The following ADGRG4 variants were observed in gnomAD, a reference collection of about 807,000 sequenced individuals.
ADGRG4 encodes adhesion G protein-coupled receptor G4.
Under a neutral mutation model 126.2 loss-of-function variants are expected in ADGRG4, and 122 were observed. The observed-to-expected ratio is 0.97, with a 90% CI of 0.83 to 1.12. The LOEUF (loss-of-function observed/expected upper bound fraction) is 1.12. Ranked by LOEUF, ADGRG4 falls within the 50% of genes most tolerant of loss-of-function variation. The probability of loss-of-function intolerance (pLI) is 0.00; values close to 1 mark genes in which losing one functional copy is unlikely to be tolerated. For synonymous variants in ADGRG4, 943 were observed against 838.7 expected (o/e 1.12, Z -2.15); for missense variants, 2,481 against 2,251.8 (o/e 1.10, Z -2.06).
chrX:136,379,782 G>A (rs1210344578), intron 15 of ADGRG4, among the ~76,000 whole-genome samples: 2 of 110,467 alleles, frequency 1.8e-5, no homozygotes, highest in Non-Finnish European at 1.9e-5. Context: ...GTCCCCATTC[G>A]TCCCTTTCCT....
At chrX:136,325,538 T>A (rs2074866519) in intron 5 of ADGRG4, among the ~76,000 whole-genome samples, 1 of 111,471 alleles carries the variant, frequency 9.0e-6, no homozygotes, top group South Asian at 3.8e-4. Context: ...TTATCTTTGA[T>A]CTAAGGAACC....
At chrX:136,326,600 A>G (rs997701417) in intron 5 of ADGRG4, among the ~76,000 whole-genome samples, 7 of 111,254 alleles carry the variant, frequency 6.3e-5, no homozygotes, top group African/African-American at 2.3e-4. Context: ...TGGTTTGATA[A>G]TTCACCTGGG....
At chrX:136,353,961 C>A (rs753177835) in intron 8 of ADGRG4, among the ~76,000 whole-genome samples, 2 of 111,412 alleles carry the variant, frequency 1.8e-5, no homozygotes, top group East Asian at 5.7e-4. Context: ...TTCCTGTATT[C>A]TTTCGCTGCA....
chrX:136,347,600 T>C lies in ADGRG4; in HGVS notation c.3894T>C (p.Asp1298=), dbSNP rs373239233. ...SRGTPSLEMT[D]TGFPETTKIS... ...GTACTCCATCTTTGGAAATGACAGA[T>C]ACAGGATTTCCTGAGACCACAAAAA... Residue 1298 remains aspartate, a synonymous_variant, in exon 6 of 26, where the codon GAT becomes GAC. Coordinates refer to ENST00000394143, the MANE Select transcript of ADGRG4 (RefSeq NM_153834.4). 54 of 1,207,368 alleles carry C rather than the reference T, an allele frequency of 4.5e-5. No homozygotes were observed. Among genetic ancestry groups the C allele is most frequent in the Non-Finnish European group, 5.7e-5 (51 of 893,456 alleles).
At position 136,349,711 on chromosome X, in the gene ADGRG4, CAA is replaced by C. The variant is rs753124856; in HGVS notation, c.6007_6008del (p.Lys2003ValfsTer10). 54 of 1,208,497 alleles carry C rather than the reference CAA, an allele frequency of 4.5e-5. No homozygotes were observed. Among genetic ancestry groups the C allele is most frequent in the Non-Finnish European group, 5.1e-5 (46 of 894,458 alleles). ...GGTGCCACTTCAGGATCTGTAATTT[CAA>C]AGTCACCCATTCTGACATGGCTCTT... On this transcript the variant is annotated frameshift_variant, in exon 6 of 26. Transcript: ENST00000394143. LOFTEE classifies it high-confidence loss of function.
chrX:136,371,032 A>C (rs1441602344), intron 13 of ADGRG4, among the ~76,000 whole-genome samples: 2 of 111,792 alleles, frequency 1.8e-5, no homozygotes, highest in Non-Finnish European at 3.8e-5. Context: ...CAAAAGTCTC[A>C]ATTTAATTAG....
intron 3 of ADGRG4, among the ~76,000 whole-genome samples, chrX:136,308,035 G>C (rs1202875799): frequency 8.8e-6 from 1 of 113,026 alleles, no homozygotes; most frequent in African/African-American, 3.2e-5. Flanking sequence ...AAGAAATTTA[G>C]GATCATTATA....
intron 13 of ADGRG4, among the ~76,000 whole-genome samples, chrX:136,364,385 C>T (rs1408713249): frequency 9.0e-6 from 1 of 111,668 alleles, no homozygotes; most frequent in African/African-American, 3.3e-5. Context: ...GCATACTATA[C>T]ACACTATTCT....
chrX:136,397,946 A>T lies in ADGRG4; in HGVS notation c.8250A>T (p.Gly2750=). 3 of 1,198,251 alleles carry T rather than the reference A, an allele frequency of 2.5e-6. No homozygotes were observed. The highest frequency in any genetic ancestry group is 3.0e-5 in the East Asian group (1 of 33,813). Residue 2750 remains glycine, a synonymous_variant, in exon 20 of 26, where the codon GGA becomes GGT. Transcript: ENST00000394143. ...TATTAGCGCTTATAACATACACCGG[A>T]TGTGGAATCTCCTCCATTTTTCTGG... ...EQILALITYT[G]CGISSIFLGV... is the part of the protein sequence containing the mutation.
chrX:136,305,816 A>G (rs2074729920), intron 3 of ADGRG4, among the ~76,000 whole-genome samples: 1 of 112,268 alleles, frequency 8.9e-6, no homozygotes, highest in South Asian at 3.7e-4. Context: ...ATAATCAACT[A>G]GGAACTGAAA....
intron 15 of ADGRG4, 40 bp from the exon 16 acceptor site, chrX:136,387,700 A>G (rs779132368): frequency 3.4e-6 from 4 of 1,185,639 alleles, no homozygotes; most frequent in Non-Finnish European, 4.6e-6. Context: ...ACTATGATGA[A>G]TGAAGACTCC....
At chrX:136,334,077 TTTC>T (rs1473419168) in intron 5 of ADGRG4, among the ~76,000 whole-genome samples, 15 of 2,667 alleles carry the variant, frequency 5.6e-3, no homozygotes, top group African/African-American at 0.055. Flanking sequence ...GTTCTCTCTC[TTTC>T]TTTCTTTCTT....
intron 4 of ADGRG4, among the ~76,000 whole-genome samples, chrX:136,317,499 C>CAAAAAAA (rs35736381): frequency 6.4e-4 from 26 of 40,618 alleles, no homozygotes; most frequent in East Asian, 1.7e-3. Flanking sequence ...GACTCCATCT[C>CAAAAAAA]AAAAAAAAAA....
At chrX:136,378,075 T>G (rs1221977441) in intron 15 of ADGRG4, among the ~76,000 whole-genome samples, 1 of 111,332 alleles carries the variant, frequency 9.0e-6, no homozygotes, top group African/African-American at 3.3e-5. Flanking sequence ...TTGGGAGAAT[T>G]TATTTCTTAG....
intron 15 of ADGRG4, among the ~76,000 whole-genome samples, chrX:136,377,290 T>C (rs1211777188): frequency 9.6e-6 from 1 of 103,943 alleles, no homozygotes; most frequent in Non-Finnish European, 1.9e-5. Context: ...CCTCCTGGGC[T>C]CAAGCAATCC....
rs749011444 is a variant in ADGRG4 at position 136,346,336 on chromosome X, G to T, written c.2630G>T (p.Arg877Met). Reference sequence around the variant, plus strand: ...GAAGTGACAGACGAATCAGCACAAAGGGTGACAGCTTCTGTCACTGTTTCC... The same window carrying T: ...GAAGTGACAGACGAATCAGCACAAATGGTGACAGCTTCTGTCACTGTTTCC... ...MLEVTDESAQ[R>M]VTASVTVSSF... The change falls in exon 6 of 26, where the codon AGG (arginine) becomes ATG (methionine). Residue 877 changes from arginine to methionine, a missense_variant. Arg to Met is a moderately conservative substitution (Grantham distance 91). Coordinates refer to ENST00000394143, the MANE Select transcript of ADGRG4 (RefSeq NM_153834.4). The T allele has an allele frequency of 1.5e-5, 18 of 1,210,319 alleles. No individual in the cohort carries two copies. Among genetic ancestry groups the T allele is most frequent in the Non-Finnish European group, 1.7e-5 (15 of 894,673 alleles).
rs58303622 is a variant in ADGRG4 at position 136,342,879 on chromosome X, A to AGTGTGT, written c.686-1475_686-1470dup. On this transcript the variant is annotated intron_variant, in intron 5 of 25. Transcript: ENST00000394143. ...AATAGAAAGCAACTAAAGAGAGCTC[A>AGTGTGT]GTGTGTGTGTGTGTGTGTGTGTGTG... Among the ~76,000 whole-genome samples, 264 of 87,367 alleles carry AGTGTGT rather than the reference A, an allele frequency of 3.0e-3. 2 individuals are homozygous for AGTGTGT. The highest frequency in any genetic ancestry group is 8.0e-3 in the African/African-American group (182 of 22,703). 75.9% of individuals were successfully genotyped at this position (87,367 alleles called of 115,157 possible).
At chrX:136,317,499 C>CAAAAA (rs35736381) in intron 4 of ADGRG4, among the ~76,000 whole-genome samples, 20 of 40,560 alleles carry the variant, frequency 4.9e-4, no homozygotes, top group Non-Finnish European at 5.6e-4. Context: ...GACTCCATCT[C>CAAAAA]AAAAAAAAAA....
At chrX:136,340,996 A>G (rs1039326504) in intron 5 of ADGRG4, among the ~76,000 whole-genome samples, 1 of 112,295 alleles carries the variant, frequency 8.9e-6, no homozygotes, top group African/African-American at 3.2e-5. Flanking sequence ...CTTTAGGTTA[A>G]AACGGAGCAA....
Sources: allele counts gnomAD v4.1 joint callset (sites outside exome capture counted in the v4.1 genomes callset), GRCh38; gene constraint gnomAD v4.1.1; transcripts MANE v1.5; gene names NCBI Gene and HGNC (gene_info 2026-07-23, HGNC 2026-07-21).